The following SLC48A1 variants were observed in gnomAD, a reference collection of about 807,000 sequenced individuals.
The protein encoded by SLC48A1 is solute carrier family 48 member 1.
Under a neutral mutation model 14.8 loss-of-function variants are expected in SLC48A1, and 6 were observed. The observed-to-expected ratio is 0.41, with a 90% CI of 0.22 to 0.80. The LOEUF (loss-of-function observed/expected upper bound fraction) is 0.80, where lower values mean the gene tolerates loss of function less well. SLC48A1 is among the 30% of genes least tolerant of loss of function. The pLI is 0.34. For missense variants in SLC48A1, 165 were observed against 204.8 expected (o/e 0.81, Z 1.19); for synonymous variants, 89 against 90.0 (o/e 0.99, Z 0.06).
chr12:47,754,506 A>T (rs889677985), upstream of SLC48A1, among the ~76,000 whole-genome samples: 1 of 152,178 alleles, frequency 6.6e-6, no homozygotes, highest in Non-Finnish European at 1.5e-5. Flanking sequence ...TTGCGTTACC[A>T]TCTGGTTGTG....
In SLC48A1 at chr12:47,773,302, C is replaced by T. The variant is rs1942667621; in HGVS notation, c.-3C>T. The T allele has an allele frequency of 1.4e-6, 2 of 1,449,246 alleles. No homozygotes were observed. The highest frequency in any genetic ancestry group is 9.1e-7 in the Non-Finnish European group (1 of 1,099,018). 89.8% of individuals were successfully genotyped at this position (1,449,246 alleles called of 1,614,324 possible). A position where few individuals can be genotyped will look rare whatever the true frequency, so the allele number is the denominator to read the frequency against. ...CCCTCGGCCCGCCCGGCGCCGCAGC[C>T]CCATGGCCCCGTCCAGGCTGCAGCT... is the stretch of plus-strand genomic sequence containing the variant. On this transcript the variant is annotated 5_prime_UTR_variant, in exon 1 of 3. Transcript: ENST00000442218.
At chr12:47,758,060 T>C (rs1452846279), upstream of SLC48A1, 2 of 1,568,872 alleles carry the variant, frequency 1.3e-6, no homozygotes, top group African/African-American at 1.4e-5. Context: ...TGCCAGCAGC[T>C]CTCACCTGGC....
rs780890276 is a variant in SLC48A1 at position 47,780,727 on chromosome 12, C to A, written c.*446C>A. On this transcript the variant is annotated 3_prime_UTR_variant, in exon 3 of 3. Coordinates refer to ENST00000442218, the MANE Select transcript of SLC48A1 (RefSeq NM_017842.3). ...GATTACAGGCATCTGCCACCATGCC[C>A]GGCAAATTTTTGTGTTTTTAGTAGA... is the stretch of plus-strand genomic sequence containing the variant. The A allele has an allele frequency of 1.3e-5, 5 of 394,188 alleles. No homozygotes were observed. The highest frequency in any genetic ancestry group is 2.1e-5 in the African/African-American group (1 of 47,778). 24.4% of individuals were successfully genotyped at this position (394,188 alleles called of 1,614,324 possible). A position where few individuals can be genotyped will look rare whatever the true frequency, so the allele number is the denominator to read the frequency against.
upstream of SLC48A1, among the ~76,000 whole-genome samples, chr12:47,757,114 C>G (rs1195936554): frequency 6.6e-6 from 1 of 152,148 alleles, no homozygotes; most frequent in Non-Finnish European, 1.5e-5. Context: ...GGCAACATAG[C>G]GAAACCTGGG....
intron 1 of SLC48A1, chr12:47,759,231 C>G: frequency 2.2e-6 from 1 of 448,122 alleles, no homozygotes; most frequent in Non-Finnish European, 3.0e-6. Context: ...GGGGGTGAGT[C>G]ACTGCGGCCT....
intron 2 of SLC48A1, 99 bp downstream of exon 2, chr12:47,779,294 T>C: frequency 1.4e-6 from 2 of 1,414,080 alleles, no homozygotes; most frequent in Admixed American, 5.3e-5. Flanking sequence ...CCAAAGAGAC[T>C]GGGTGAATTA....
At chr12:47,768,701 G>T (rs771155813), upstream of SLC48A1, 1 of 152,222 alleles carries the variant, frequency 6.6e-6, no homozygotes, top group Non-Finnish European at 1.5e-5. Flanking sequence ...GTGTATATCT[G>T]CGGGGAGTGA....
chr12:47,764,275 T>G (rs1292372721), intron 2 of SLC48A1, among the ~76,000 whole-genome samples: 1 of 152,044 alleles, frequency 6.6e-6, no homozygotes, highest in African/African-American at 2.4e-5. Flanking sequence ...TAAGAGTCAC[T>G]TTTCTCCTCA....
chr12:47,761,914 C>T (rs1194043432), intron 2 of SLC48A1, among the ~76,000 whole-genome samples: 1 of 152,088 alleles, frequency 6.6e-6, no homozygotes, highest in Non-Finnish European at 1.5e-5. Flanking sequence ...GGTTAAATGA[C>T]TTGCCCAAGG....
intron 2 of SLC48A1, among the ~76,000 whole-genome samples, chr12:47,761,227 C>T (rs2136841804): frequency 6.7e-6 from 1 of 149,616 alleles, no homozygotes; most frequent in East Asian, 2.0e-4. Flanking sequence ...GGGGGGAAAT[C>T]GAATATGTTT....
chr12:47,757,671 GAC>G (rs1942163661), upstream of SLC48A1, among the ~76,000 whole-genome samples: 1 of 151,994 alleles, frequency 6.6e-6, no homozygotes, highest in African/African-American at 2.4e-5. Flanking sequence ...CACACACACA[GAC>G]ACACACACGT....
At position 47,758,799 on chromosome 12, in the gene SLC48A1, C is replaced by T. The variant is rs923213482; in HGVS notation, c.-373+139C>T. On this transcript the variant is annotated intron_variant, in intron 1 of 4. Transcript: ENST00000547002. Reference sequence around the variant, plus strand: ...TGGTGGGGGGACGCCACCCAGCCACCGGCGACAGGGAGCCCCGAGCCTGCG... The same window carrying T: ...TGGTGGGGGGACGCCACCCAGCCACTGGCGACAGGGAGCCCCGAGCCTGCG... 4.9e-6 allele frequency: 6 copies of T among 1,229,500 alleles called. No individual in the cohort carries two copies. The East Asian group carries it at 9.7e-5, about 20-fold the overall frequency. The allele number at this position is 1,229,500 out of a possible 1,614,324, so 76.2% of individuals were successfully genotyped here. A position where few individuals can be genotyped will look rare whatever the true frequency, so the allele number is the denominator to read the frequency against.
upstream of SLC48A1, among the ~76,000 whole-genome samples, chr12:47,756,966 TAA>T (rs112318307): frequency 1.7e-4 from 23 of 136,564 alleles, no homozygotes; most frequent in Admixed American, 2.9e-4. Flanking sequence ...AGACTCTGGT[TAA>T]AAAAAAAAAA....
chr12:47,772,606 G>T (rs974741674), upstream of SLC48A1, among the ~76,000 whole-genome samples: 2 of 152,174 alleles, frequency 1.3e-5, no homozygotes, highest in Non-Finnish European at 2.9e-5. Flanking sequence ...TTGAATCCAG[G>T]TGTTGGAGGA....
intron 1 of SLC48A1, among the ~76,000 whole-genome samples, chr12:47,759,608 G>C (rs909427455): frequency 2.8e-5 from 4 of 144,814 alleles, no homozygotes; most frequent in Non-Finnish European, 4.6e-5. Context: ...CGGAGACCGG[G>C]CATTCCAGCG....
At chr12:47,755,112 G>A (rs1296856612), upstream of SLC48A1, among the ~76,000 whole-genome samples, 1 of 152,220 alleles carries the variant, frequency 6.6e-6, no homozygotes, top group Non-Finnish European at 1.5e-5. Flanking sequence ...ACTGTTCGTA[G>A]CAAGAGAGAA....
intron 2 of SLC48A1, among the ~76,000 whole-genome samples, chr12:47,761,700 G>A (rs867495321): frequency 1.3e-5 from 2 of 152,170 alleles, no homozygotes; most frequent in Admixed American, 6.5e-5. Flanking sequence ...TCCTGGTACC[G>A]CCTCCACCCT....
At chr12:47,760,344 G>C in exon 2 of SLC48A1, 6 of 985,482 alleles carry the variant, frequency 6.1e-6, no homozygotes, top group Non-Finnish European at 7.2e-6. Context: ...TGGTAATTTG[G>C]AAGAAGGAAG....
At chr12:47,758,318 C>G, upstream of SLC48A1, 2 of 1,434,972 alleles carry the variant, frequency 1.4e-6, no homozygotes, top group Non-Finnish European at 1.8e-6. Context: ...TCTTAGTCCT[C>G]TTTGGAATTC....
Sources: gnomAD v4.1 joint callset for allele counts (sites outside exome capture counted in the v4.1 genomes callset) on GRCh38, gnomAD v4.1.1 for gene constraint, MANE v1.5 for transcripts, NCBI Gene and HGNC (gene_info 2026-07-23, HGNC 2026-07-21) for gene names.